The following ARHGEF7 variants were observed in gnomAD, a reference collection of about 807,000 sequenced individuals.
ARHGEF7 encodes PAK-interacting exchange factor beta.
In ARHGEF7, 33 loss-of-function variants were observed where a neutral mutation model predicts 109.8. The ratio of observed to expected loss-of-function variants is 0.30; its 90% CI spans 0.23 to 0.40. The LOEUF is 0.40. ARHGEF7 is among the 10% of genes least tolerant of loss of function. The pLI is 1.00. For missense variants in ARHGEF7, 938 were observed against 1,098.5 expected (o/e 0.85, Z 2.07); for synonymous variants, 458 against 424.6 (o/e 1.08, Z -0.97).
chr13:111,216,316 G>A (rs550762677), intron 4 of ARHGEF7, among the ~76,000 whole-genome samples: 1 of 152,266 alleles, frequency 6.6e-6, no homozygotes, highest in South Asian at 2.1e-4. Flanking sequence ...TAGAGCGGGG[G>A]CTGTATGTCA....
chr13:111,202,923 T>C (rs2153462753), intron 2 of ARHGEF7: 1 of 298,972 alleles, frequency 3.3e-6, no homozygotes, highest in African/African-American at 2.2e-5. Context: ...TAGCTTCCTG[T>C]TGAGAAGTGT....
At chr13:111,284,824 C>G (rs574836966) in intron 16 of ARHGEF7, among the ~76,000 whole-genome samples, 15 of 151,766 alleles carry the variant, frequency 9.9e-5, no homozygotes, top group Non-Finnish European at 2.1e-4. Context: ...GGCTCTGGCT[C>G]AGGTGTGCTG....
chr13:111,203,143 T>C (rs1328493118), intron 2 of ARHGEF7: 1 of 1,264,456 alleles, frequency 7.9e-7, no homozygotes, highest in East Asian at 5.6e-5. Context: ...TGTATGTATT[T>C]CTTTTTGTAG....
intron 2 of ARHGEF7, among the ~76,000 whole-genome samples, chr13:111,159,760 T>G (rs1255192487): frequency 6.6e-6 from 1 of 152,244 alleles, no homozygotes; most frequent in African/African-American, 2.4e-5. Context: ...ATTTTGGATA[T>G]TAGCTTCTTA....
chr13:111,269,521 A>T (rs899380628), intron 9 of ARHGEF7, among the ~76,000 whole-genome samples: 1 of 152,126 alleles, frequency 6.6e-6, no homozygotes, highest in Non-Finnish European at 1.5e-5. Flanking sequence ...CATTTTCCTG[A>T]AGTAACTAGA....
At chr13:111,283,575 C>T (rs1487196800) in intron 16 of ARHGEF7, among the ~76,000 whole-genome samples, 1 of 152,224 alleles carries the variant, frequency 6.6e-6, no homozygotes, top group East Asian at 1.9e-4. Context: ...GCAGGGTCCC[C>T]CTCCTTTCTG....
At chr13:111,171,273 G>A (rs1232712195) in intron 2 of ARHGEF7, among the ~76,000 whole-genome samples, 4 of 152,198 alleles carry the variant, frequency 2.6e-5, no homozygotes, top group Non-Finnish European at 4.4e-5. Context: ...AGCTGGCACT[G>A]TTGTAACCAT....
intron 1 of ARHGEF7, 22 bp from the exon 2 acceptor site, chr13:111,153,883 G>C: frequency 1.3e-6 from 2 of 1,589,006 alleles, no homozygotes; most frequent in East Asian, 2.4e-5. Context: ...ACGGCGCTCA[G>C]CGCTTGTGCT....
chr13:111,282,949 G>T, intron 15 of ARHGEF7, 190 bp from the exon 16 acceptor site: 1 of 812,690 alleles, frequency 1.2e-6, no homozygotes, highest in Non-Finnish European at 1.9e-6. Context: ...CTCGGCCCAG[G>T]TGGCGCGAGC....
chr13:111,147,623 TGCCAAAATG>T (rs1372687905), intron 1 of ARHGEF7, among the ~76,000 whole-genome samples: 1 of 151,828 alleles, frequency 6.6e-6, no homozygotes, highest in East Asian at 1.9e-4. Flanking sequence ...CACCCTGGAC[TGCCAAAATG>T]GCACACCTTT....
chr13:111,287,710 G>A (rs1241961122), intron 17 of ARHGEF7, among the ~76,000 whole-genome samples: 1 of 152,218 alleles, frequency 6.6e-6, no homozygotes, highest in East Asian at 1.9e-4. Context: ...GAGACCCTGA[G>A]CAGGAACCCC....
At position 111,138,538 on chromosome 13, in the gene ARHGEF7, C is replaced by T. The variant is rs112689269; in HGVS notation, c.166-15367C>T. On this transcript the variant is annotated intron_variant, in intron 1 of 21. Coordinates refer to ENST00000646102, the MANE Select transcript of ARHGEF7 (RefSeq NM_001354046.2). ...ACGGCTGCTCATCAAGGAAGCAGTT[C>T]ATGTTGTGGAGTTCAGCTGAGCCGT... 2.7e-3 allele frequency among the ~76,000 whole-genome samples: 415 copies of T among 152,174 alleles called. 1 individual carries two copies. The highest frequency in any genetic ancestry group is 9.7e-3 in the African/African-American group (402 of 41,514).
intron 2 of ARHGEF7, among the ~76,000 whole-genome samples, chr13:111,198,034 G>A (rs554786292): frequency 4.1e-4 from 62 of 152,204 alleles, no homozygotes; most frequent in Non-Finnish European, 7.4e-4. Flanking sequence ...GGACCCCGGA[G>A]TTGAATGGCT....
chr13:111,266,263 T>G lies in ARHGEF7; in HGVS notation c.951-1285T>G, dbSNP rs922574335. Among the ~76,000 whole-genome samples the G allele has an allele frequency of 3.9e-5, 6 of 151,930 alleles. No homozygotes were observed. The highest frequency in any genetic ancestry group is 1.5e-4 in the African/African-American group (6 of 41,338). On this transcript the variant is annotated intron_variant, in intron 8 of 21. Transcript: ENST00000646102. This position sits in a 1 kb window ranked among gnomAD's most constrained non-coding sequence, Gnocchi z 4.8. ...CTGGTGCTGAGGAGCCCCATGCTGTTCCTCATTCTCGGTGTGAACAGGTGT... is the reference window on the plus strand; with the variant it reads ...CTGGTGCTGAGGAGCCCCATGCTGTGCCTCATTCTCGGTGTGAACAGGTGT...
intron 5 of ARHGEF7, among the ~76,000 whole-genome samples, chr13:111,218,559 T>G (rs1262317948): frequency 2.0e-5 from 3 of 152,280 alleles, no homozygotes; most frequent in Admixed American, 6.5e-5. Context: ...AAAAACACCG[T>G]TGTATACTAC....
rs919613154 is a variant in ARHGEF7, at chr13:111,303,762, T to A, written c.*649T>A. 1 of 152,300 alleles carries A rather than the reference T, an allele frequency of 6.6e-6. No individual in the cohort carries two copies. The highest frequency in any genetic ancestry group is 2.4e-5 in the African/African-American group (1 of 41,474). The allele number at this position is 152,300 out of a possible 1,614,324, so 9.4% of individuals were successfully genotyped here. ...CTGCGGGTTTCTGAGGGCAACTTGC[T>A]GGCTGACAGACTCAGTCTTGACCTC... On this transcript the variant is annotated 3_prime_UTR_variant, in exon 22 of 22. Coordinates refer to ENST00000646102, the MANE Select transcript of ARHGEF7 (RefSeq NM_001354046.2).
intron 1 of ARHGEF7, among the ~76,000 whole-genome samples, chr13:111,149,928 G>A (rs1441684293): frequency 6.6e-6 from 1 of 152,194 alleles, no homozygotes; most frequent in Non-Finnish European, 1.5e-5. Context: ...GGAGCTGCAG[G>A]ATGTGTGATG....
intron 19 of ARHGEF7, chr13:111,293,310 T>G: frequency 1.0e-6 from 1 of 985,362 alleles, no homozygotes; most frequent in Non-Finnish European, 1.2e-6. Flanking sequence ...CATCATTATT[T>G]TCAGCAACCA....
chr13:111,201,455 T>C (rs2081205584), intron 2 of ARHGEF7, among the ~76,000 whole-genome samples: 1 of 152,220 alleles, frequency 6.6e-6, no homozygotes, highest in Non-Finnish European at 1.5e-5. Flanking sequence ...ACTTTGGGGC[T>C]TCATTTTATC....
Sources: gnomAD v4.1 joint callset for allele counts (sites outside exome capture counted in the v4.1 genomes callset) on GRCh38, gnomAD v4.1.1 for gene constraint, Gnocchi (gnomAD v3.1) non-coding constraint, MANE v1.5 for transcripts, NCBI Gene and HGNC (gene_info 2026-07-23, HGNC 2026-07-21) for gene names.